Variants in ROBO2 observed in about 807,000 individuals in gnomAD.
The protein encoded by ROBO2 is roundabout guidance receptor 2, also known as roundabout homolog 2.
In ROBO2, 53 loss-of-function variants were observed where a neutral mutation model predicts 160.8. The ratio of observed to expected loss-of-function variants is 0.33; its 90% CI spans 0.26 to 0.41. The LOEUF is 0.41. ROBO2 is among the 10% of genes least tolerant of loss of function. ROBO2 has a pLI of 1.00. For synonymous variants in ROBO2, 664 were observed against 611.7 expected (o/e 1.09, Z -1.26); for missense variants, 1,577 against 1,722.4 (o/e 0.92, Z 1.49).
intron 1 of ROBO2, among the ~76,000 whole-genome samples, chr3:77,075,454 C>T (rs1374627028): frequency 6.6e-6 from 1 of 152,060 alleles, no homozygotes; most frequent in African/African-American, 2.4e-5. Flanking sequence ...ATATCAAAGA[C>T]TTGAAGCGGG....
Position 76,881,938 on chromosome 3 carries a change from TTGTG to T in ROBO2, c.110-216068_110-216065del, listed in dbSNP as rs571256885. Among the ~76,000 whole-genome samples the T allele has an allele frequency of 1.5e-3, 222 of 151,786 alleles. 2 individuals carry two copies. The highest frequency in any genetic ancestry group is 5.1e-3 in the African/African-American group (210 of 41,416). Reference sequence around the variant, plus strand: ...GGGTGTCTGTTGGGTGGTAGGTTGGTTGTGTGTGTGTATGTGTGTCTGTTGGGTG... The same window carrying T: ...GGGTGTCTGTTGGGTGGTAGGTTGGTTGTGTGTATGTGTGTCTGTTGGGTG... On this transcript the variant is annotated intron_variant, in intron 2 of 26. Coordinates refer to the ROBO2 transcript ENST00000487694.
intron 2 of ROBO2, among the ~76,000 whole-genome samples, chr3:77,349,830 C>T (rs373166082): frequency 7.9e-5 from 12 of 152,146 alleles, no homozygotes; most frequent in Middle Eastern, 6.8e-3. Flanking sequence ...ATATTGCAAT[C>T]GTGATCACAA....
intron 11 of ROBO2, among the ~76,000 whole-genome samples, chr3:77,564,066 T>G (rs916580643): frequency 2.6e-5 from 4 of 152,160 alleles, no homozygotes; most frequent in African/African-American, 9.6e-5. Context: ...ACTGTTTTTT[T>G]TAAACATTAG....
At chr3:76,396,500 G>T (rs778895045) in intron 2 of ROBO2, among the ~76,000 whole-genome samples, 5 of 152,078 alleles carry the variant, frequency 3.3e-5, no homozygotes, top group African/African-American at 9.7e-5. Flanking sequence ...AGGAAATAAA[G>T]GGTATTCAAT....
At chr3:76,877,321 T>C (rs1168626088) in intron 2 of ROBO2, among the ~76,000 whole-genome samples, 1 of 152,132 alleles carries the variant, frequency 6.6e-6, no homozygotes, top group African/African-American at 2.4e-5. Context: ...CTAAGTGTGT[T>C]TTCTTTCAGA....
rs11918484 is a variant in ROBO2, at chr3:76,552,408, T to G, written c.110-545606T>G. On this transcript the variant is annotated intron_variant, in intron 2 of 26. Transcript: ENST00000487694. ...TTCTGGCCCTTAAACTAGCATACAATACACATGGAATAATTCACATAGGAG... is the reference window on the plus strand; with the variant it reads ...TTCTGGCCCTTAAACTAGCATACAAGACACATGGAATAATTCACATAGGAG... Among the ~76,000 whole-genome samples, 1,288 of 152,274 alleles carry G rather than the reference T, an allele frequency of 8.5e-3. 19 individuals are homozygous for G. Among genetic ancestry groups the G allele is most frequent in the African/African-American group, 0.029 (1,186 of 41,556 alleles).
At chr3:76,082,618 A>G (rs969093674) in intron 2 of ROBO2, among the ~76,000 whole-genome samples, 9 of 152,112 alleles carry the variant, frequency 5.9e-5, no homozygotes, top group African/African-American at 2.2e-4. Flanking sequence ...ACCTCCTTCA[A>G]GTCTCTGCTC....
intron 2 of ROBO2, among the ~76,000 whole-genome samples, chr3:77,199,859 C>G (rs1378640487): frequency 1.3e-5 from 2 of 151,610 alleles, no homozygotes; most frequent in East Asian, 3.9e-4. Context: ...AACTCCTGTG[C>G]TCAAGTGATC....
chr3:76,181,025 T>G (rs537187644), intron 2 of ROBO2, among the ~76,000 whole-genome samples: 1 of 152,138 alleles, frequency 6.6e-6, no homozygotes, highest in African/African-American at 2.4e-5. Context: ...TTCTACAGTC[T>G]ACATGACCAA....
At chr3:77,235,129 A>T (rs1176948910) in intron 2 of ROBO2, among the ~76,000 whole-genome samples, 1 of 152,212 alleles carries the variant, frequency 6.6e-6, no homozygotes, top group Non-Finnish European at 1.5e-5. Flanking sequence ...ACTTTTTATT[A>T]TATTTTGGTC....
intron 2 of ROBO2, among the ~76,000 whole-genome samples, chr3:76,241,408 G>T (rs1705277269): frequency 6.6e-6 from 1 of 152,228 alleles, no homozygotes; most frequent in African/African-American, 2.4e-5. Context: ...GCTATGTGCT[G>T]GGTGCTGTTT....
chr3:77,221,823 A>T (rs752753621), intron 2 of ROBO2, among the ~76,000 whole-genome samples: 5 of 150,602 alleles, frequency 3.3e-5, no homozygotes, highest in Non-Finnish European at 7.4e-5. Context: ...AGCCCAATGG[A>T]CTTTTTCTTT....
At chr3:77,137,296 G>T (rs925873497) in intron 2 of ROBO2, among the ~76,000 whole-genome samples, 1 of 151,588 alleles carries the variant, frequency 6.6e-6, no homozygotes, top group African/African-American at 2.4e-5. Flanking sequence ...GTGTGATCTC[G>T]GCTCACTGCA....
chr3:77,167,973 G>T (rs1026658788), intron 2 of ROBO2, among the ~76,000 whole-genome samples: 1 of 152,128 alleles, frequency 6.6e-6, no homozygotes, highest in Non-Finnish European at 1.5e-5. Context: ...TCTTCGTCTT[G>T]ATCAGAGACA....
At chr3:76,085,285 A>C (rs544883907) in intron 2 of ROBO2, among the ~76,000 whole-genome samples, 2 of 152,284 alleles carry the variant, frequency 1.3e-5, no homozygotes, top group South Asian at 2.1e-4. Flanking sequence ...TTTGATTCTT[A>C]TCTTACCATA....
At chr3:76,587,195 A>G (rs2086099009) in intron 2 of ROBO2, among the ~76,000 whole-genome samples, 1 of 152,062 alleles carries the variant, frequency 6.6e-6, no homozygotes. Flanking sequence ...GTGAAACCAT[A>G]TTCTTTATTT....
chr3:76,313,410 T>C (rs2071739813), intron 2 of ROBO2, among the ~76,000 whole-genome samples: 1 of 152,222 alleles, frequency 6.6e-6, no homozygotes, highest in Admixed American at 6.5e-5. Context: ...TGCAGTCTTT[T>C]AAAACACATT....
intron 1 of ROBO2, among the ~76,000 whole-genome samples, chr3:77,096,462 TTTTGAGATGGAG>T (rs1285450523): frequency 3.9e-4 from 59 of 151,962 alleles, no homozygotes; most frequent in Middle Eastern, 6.8e-3. Flanking sequence ...CTTTTTTTTT[TTTTGAGATGGAG>T]TTTTACTCTT....
chr3:77,306,648 T>C (rs928617563), intron 2 of ROBO2, among the ~76,000 whole-genome samples: 9 of 152,148 alleles, frequency 5.9e-5, no homozygotes, highest in South Asian at 2.1e-4. Context: ...TCTAAAAAGA[T>C]GGAGACATAT....
Sources: allele counts gnomAD v4.1 joint callset (sites outside exome capture counted in the v4.1 genomes callset), GRCh38; gene constraint gnomAD v4.1.1; transcripts MANE v1.5; gene names NCBI Gene and HGNC (gene_info 2026-07-23, HGNC 2026-07-21).